The following ERBB4 variants were observed in gnomAD, a reference collection of about 807,000 sequenced individuals.
ERBB4 encodes the protein erb-b2 receptor tyrosine kinase 4.
ERBB4 carries 42 observed loss-of-function variants against 158.0 expected under a neutral mutation model. That is an observed-to-expected ratio of 0.27 (90% CI 0.21 to 0.34). The LOEUF (loss-of-function observed/expected upper bound fraction) is 0.34. ERBB4 is among the 10% of genes least tolerant of loss of function. The pLI, the probability that ERBB4 is intolerant of heterozygous loss-of-function variation, is 1.00. For synonymous variants in ERBB4, 583 were observed against 558.7 expected, an observed-to-expected ratio of 1.04 and a Z score of -0.61; for missense variants, 1,333 against 1,624.1, an observed-to-expected ratio of 0.82 and a Z score of 3.08.
intron 2 of ERBB4, among the ~76,000 whole-genome samples, chr2:211,958,091 G>C (rs919044553): frequency 6.6e-6 from 1 of 152,008 alleles, no homozygotes; most frequent in African/African-American, 2.4e-5. Context: ...TATCAGGCCT[G>C]GATTTGACAA....
At chr2:211,414,987 G>GAGC (rs2063350361) in intron 25 of ERBB4, among the ~76,000 whole-genome samples, 1 of 151,470 alleles carries the variant, frequency 6.6e-6, no homozygotes, top group South Asian at 2.1e-4. Context: ...GGGTTATAGT[G>GAGC]AGCATTCAGT....
At chr2:212,166,532 T>C (rs13007039) in intron 1 of ERBB4, among the ~76,000 whole-genome samples, 1 of 150,948 alleles carries the variant, frequency 6.6e-6, no homozygotes, top group African/African-American at 2.4e-5. Flanking sequence ...TTTAGATTCA[T>C]TGACATTCCC....
rs575765076 is a variant in ERBB4, at chr2:211,670,996, A to AT, written c.1716+2167dup. 2.0e-3 allele frequency among the ~76,000 whole-genome samples: 308 copies of AT among 152,074 alleles called. 2 individuals are homozygous for AT. Among genetic ancestry groups the AT allele is most frequent in the African/African-American group, 6.7e-3 (278 of 41,502 alleles). The stretch of plus-strand genomic sequence containing the variant: ...CGAACATCAAGTTTTCAGACATGGG[A>AT]TTTTTTTTATGAAATTAGAAAAAAA... On this transcript the variant is annotated intron_variant, in intron 14 of 27. Transcript: ENST00000342788.
chr2:212,067,857 C>T lies in ERBB4; in HGVS notation c.234+56895G>A, dbSNP rs186846163. 9.5e-4 allele frequency among the ~76,000 whole-genome samples: 145 copies of T among 152,034 alleles called. 1 individual carries two copies. The Middle Eastern group carries it at 0.014, about 14-fold the overall frequency. On this transcript the variant is annotated intron_variant, in intron 2 of 27. Transcript: ENST00000342788. ...GCGGGTAACTTGCAAATTGTCATGC[C>T]CATTCCTAAAATGCTAGATGATAGA...
intron 2 of ERBB4, among the ~76,000 whole-genome samples, chr2:211,996,112 T>C (rs2082195029): frequency 6.6e-6 from 1 of 152,168 alleles, no homozygotes; most frequent in African/African-American, 2.4e-5. Flanking sequence ...TGAAGACTGT[T>C]AAGGTTTAGG....
Position 211,585,267 on chromosome 2 carries a change from G to A in ERBB4, c.2302-23179C>T, listed in dbSNP as rs182047471. Among the ~76,000 whole-genome samples, 438 of 150,616 alleles carry A rather than the reference G, an allele frequency of 2.9e-3. 4 individuals are homozygous for A. In the Middle Eastern group the frequency reaches 0.038, roughly 13 times the overall value. ...CTCGGGAGACTGAGGCAGGAGAATG[G>A]CGTGAACCTGGGAGGCGGAGCTTGT... On this transcript the variant is annotated intron_variant, in intron 19 of 27. Transcript: ENST00000342788.
rs562481937 is a variant in ERBB4, at chr2:212,428,725, C to T, written c.82+109724G>A. On this transcript the variant is annotated intron_variant, in intron 1 of 27. Coordinates refer to ENST00000342788, the MANE Select transcript of ERBB4 (RefSeq NM_005235.3). ...AATAAAGTAAAATAAAACCTTAAGT[C>T]CAGTGAGAAGTTTAAGCTAGAGGAA... 7.2e-5 allele frequency among the ~76,000 whole-genome samples: 11 copies of T among 152,058 alleles called. No individual in the cohort carries two copies. The South Asian group carries it at 2.3e-3, about 32-fold the overall frequency.
intron 12 of ERBB4, among the ~76,000 whole-genome samples, chr2:211,694,504 T>C (rs1389207677): frequency 6.6e-6 from 1 of 152,126 alleles, no homozygotes; most frequent in Non-Finnish European, 1.5e-5. Context: ...TTTCTAGCAT[T>C]GTTAGTAATT....
chr2:212,504,452 T>C (rs1431017958), intron 1 of ERBB4, among the ~76,000 whole-genome samples: 1 of 150,898 alleles, frequency 6.6e-6, no homozygotes, highest in African/African-American at 2.4e-5. Flanking sequence ...AGAGTAACCA[T>C]TAAAAAATAA....
chr2:211,784,741 C>A (rs887790792), intron 4 of ERBB4, among the ~76,000 whole-genome samples: 1 of 152,012 alleles, frequency 6.6e-6, no homozygotes, highest in Admixed American at 6.6e-5. Flanking sequence ...ATTTCTTCAC[C>A]TCCTCACATT....
rs1001889814 is a variant in ERBB4, at chr2:211,620,484, G to T, written c.2203-1209C>A. ...GTATCATCAGGAGACCTGAACACAA[G>T]AATTATTTTAAAACATAGTAACAAT... On this transcript the variant is annotated intron_variant, in intron 18 of 27. Transcript: ENST00000342788. Among the ~76,000 whole-genome samples, 35 of 152,030 alleles carry T rather than the reference G, an allele frequency of 2.3e-4. 1 individual carries two copies. The highest frequency in any genetic ancestry group is 1.9e-3 in the Admixed American group (29 of 15,246).
intron 2 of ERBB4, among the ~76,000 whole-genome samples, chr2:211,994,381 C>A (rs138265816): frequency 6.6e-6 from 1 of 152,196 alleles, no homozygotes; most frequent in Non-Finnish European, 1.5e-5. Context: ...TCTCCTCCCC[C>A]ATTGGCCTCC....
At chr2:211,640,674 C>T (rs1307676968) in intron 16 of ERBB4, among the ~76,000 whole-genome samples, 2 of 151,882 alleles carry the variant, frequency 1.3e-5, no homozygotes, top group Non-Finnish European at 2.9e-5. Flanking sequence ...GAAAATTATT[C>T]TGGTAGAAAG....
intron 14 of ERBB4, among the ~76,000 whole-genome samples, chr2:211,668,925 G>A (rs149603965): frequency 6.6e-6 from 1 of 152,098 alleles, no homozygotes; most frequent in East Asian, 1.9e-4. Context: ...CAGATTTCCA[G>A]TGTACTTTAC....
At chr2:211,411,474 A>G (rs554331366) in intron 25 of ERBB4, among the ~76,000 whole-genome samples, 20 of 152,342 alleles carry the variant, frequency 1.3e-4, no homozygotes, top group African/African-American at 4.6e-4. Flanking sequence ...ATTTAAAAAC[A>G]ACAGTCAAAT....
chr2:212,276,830 A>G (rs778312208), intron 1 of ERBB4, among the ~76,000 whole-genome samples: 3 of 151,808 alleles, frequency 2.0e-5, no homozygotes, highest in Non-Finnish European at 4.4e-5. Flanking sequence ...TCCTTAGAAA[A>G]GCTATGTCAT....
At chr2:211,985,555 G>C (rs2081917432) in intron 2 of ERBB4, among the ~76,000 whole-genome samples, 1 of 152,046 alleles carries the variant, frequency 6.6e-6, no homozygotes, top group Non-Finnish European at 1.5e-5. Context: ...GATGTGAGTA[G>C]AAGAAATTAT....
intron 12 of ERBB4, among the ~76,000 whole-genome samples, chr2:211,687,304 CAAA>C (rs34737849): frequency 1.9e-4 from 20 of 106,136 alleles, no homozygotes; most frequent in East Asian, 2.8e-4. Flanking sequence ...GACTCCGTCT[CAAA>C]AAAAAAAAAA....
chr2:211,940,892 G>A (rs749143867), intron 3 of ERBB4, among the ~76,000 whole-genome samples: 10 of 152,004 alleles, frequency 6.6e-5, no homozygotes, highest in Non-Finnish European at 1.3e-4. Flanking sequence ...GTTCTCTAAC[G>A]AATCAGTTGT....
Sources: gnomAD v4.1 joint callset for allele counts (sites outside exome capture counted in the v4.1 genomes callset) on GRCh38, gnomAD v4.1.1 for gene constraint, MANE v1.5 for transcripts, NCBI Gene and HGNC (gene_info 2026-07-23, HGNC 2026-07-21) for gene names.